Variants in SLC26A3 observed in about 807,000 individuals in gnomAD.
The protein encoded by SLC26A3 is chloride anion exchanger.
In SLC26A3, 64 loss-of-function variants were observed where a neutral mutation model predicts 85.6. The ratio of observed to expected loss-of-function variants is 0.75; its 90% CI spans 0.61 to 0.92. The LOEUF (loss-of-function observed/expected upper bound fraction) is 0.92, where lower values mean the gene tolerates loss of function less well. SLC26A3 is among the 40% of genes least tolerant of loss of function. The pLI, the probability that SLC26A3 is intolerant of heterozygous loss-of-function variation, is 0.00. For missense variants in SLC26A3, 922 were observed against 927.3 expected (o/e 0.99, Z 0.07); for synonymous variants, 349 against 336.0 (o/e 1.04, Z -0.42).
At position 107,765,769 on chromosome 7, in the gene SLC26A3, A is replaced by T; in HGVS notation, c.*86T>A. The T allele has an allele frequency of 1.0e-6, 1 of 984,874 alleles. No individual in the cohort carries two copies. 61.0% of individuals were successfully genotyped at this position (984,874 alleles called of 1,614,324 possible). A position where few individuals can be genotyped will look rare whatever the true frequency, so the allele number is the denominator to read the frequency against. The stretch of plus-strand genomic sequence containing the variant: ...ATTCTGTCAAAAATACTCTTCGTAC[A>T]ATGTATGAACTTATCAATAACTTTC... On this transcript the variant is annotated 3_prime_UTR_variant, in exon 21 of 21. Coordinates refer to ENST00000340010, the MANE Select transcript of SLC26A3 (RefSeq NM_000111.3).
chr7:107,786,992 C>A (rs571282622), intron 7 of SLC26A3, 83 bp from the exon 8 acceptor site: 5 of 1,177,984 alleles, frequency 4.2e-6, no homozygotes, highest in Non-Finnish European at 6.3e-6. Flanking sequence ...TTGCCAAAAC[C>A]CACTTCTGTA....
intron 18 of SLC26A3, among the ~76,000 whole-genome samples, chr7:107,769,897 C>T (rs1028803205): frequency 6.6e-6 from 1 of 152,086 alleles, no homozygotes; most frequent in Non-Finnish European, 1.5e-5. Flanking sequence ...GGTTGACTGC[C>T]TCACTTCGTT....
intron 1 of SLC26A3, among the ~76,000 whole-genome samples, chr7:107,798,630 C>G (rs572831271): frequency 1.3e-5 from 2 of 152,278 alleles, no homozygotes; most frequent in African/African-American, 4.8e-5. Flanking sequence ...AGCAAGGGTG[C>G]AGAACACTTC....
chr7:107,782,499 G>A (rs903960064), intron 11 of SLC26A3, among the ~76,000 whole-genome samples: 63 of 152,290 alleles, frequency 4.1e-4, no homozygotes, highest in African/African-American at 1.4e-3. Context: ...CAGTCCATGC[G>A]TGTTGAAAGT....
intron 15 of SLC26A3, 139 bp downstream of exon 15, chr7:107,776,313 G>C (rs1173249176): frequency 1.3e-6 from 1 of 750,468 alleles, no homozygotes; most frequent in Non-Finnish European, 2.4e-6. Context: ...GTTCTGGGAC[G>C]TGGGACAAAA....
chr7:107,788,792 T>C (rs1454387452), intron 6 of SLC26A3, among the ~76,000 whole-genome samples: 2 of 145,608 alleles, frequency 1.4e-5, no homozygotes, highest in African/African-American at 2.5e-5. Context: ...TTCTTTTTTT[T>C]TTTTTTTTTG....
chr7:107,777,307 A>C (rs1035792647), intron 13 of SLC26A3, among the ~76,000 whole-genome samples: 3 of 152,174 alleles, frequency 2.0e-5, no homozygotes, highest in Admixed American at 6.5e-5. Flanking sequence ...GATTTTAAAA[A>C]ATCAAGGCTG....
chr7:107,783,914 G>A lies in SLC26A3; in HGVS notation c.972-562C>T, dbSNP rs140925161. Reference sequence around the variant, plus strand: ...AATGGAGAGTGGATTTCTCTTTAAGGTGATATATGTCAGAGAAACCTTCAA... The same window carrying A: ...AATGGAGAGTGGATTTCTCTTTAAGATGATATATGTCAGAGAAACCTTCAA... On this transcript the variant is annotated intron_variant, in intron 8 of 20. Coordinates refer to ENST00000340010, the MANE Select transcript of SLC26A3 (RefSeq NM_000111.3). Among the ~76,000 whole-genome samples the A allele has an allele frequency of 5.6e-4, 86 of 152,312 alleles. No homozygotes were observed. The East Asian group carries it at 0.015, about 26-fold the overall frequency.
chr7:107,771,737 G>T (rs1794033983), intron 18 of SLC26A3, among the ~76,000 whole-genome samples: 1 of 152,176 alleles, frequency 6.6e-6, no homozygotes, highest in Non-Finnish European at 1.5e-5. Flanking sequence ...GGGCTGGATT[G>T]TGCAAGGGAA....
Position 107,767,654 on chromosome 7 carries a change from A to G in SLC26A3, c.2206-10T>C. On this transcript the variant is annotated splice_polypyrimidine_tract_variant and intron_variant, in intron 19 of 20. Coordinates refer to ENST00000340010, the MANE Select transcript of SLC26A3 (RefSeq NM_000111.3). Reference sequence around the variant, plus strand: ...TTTTTCCATCTTTTTCCTGAGAAAAAGAGAATGGAAATATGGATTAGGGGC... The same window carrying G: ...TTTTTCCATCTTTTTCCTGAGAAAAGGAGAATGGAAATATGGATTAGGGGC... 1 of 1,609,130 alleles carries G rather than the reference A, an allele frequency of 6.2e-7. No individual in the cohort carries two copies.
Position 107,765,777 on chromosome 7 carries a change from A to G in SLC26A3, c.*78T>C, listed in dbSNP as rs1793903108. ...AAAAATACTCTTCGTACAATGTATG[A>G]ACTTATCAATAACTTTCTGGGTATA... On this transcript the variant is annotated 3_prime_UTR_variant, in exon 21 of 21. Coordinates refer to ENST00000340010, the MANE Select transcript of SLC26A3 (RefSeq NM_000111.3). 1 of 1,048,246 alleles carries G rather than the reference A, an allele frequency of 9.5e-7. No homozygotes were observed. The highest frequency in any genetic ancestry group is 1.6e-5 in the African/African-American group (1 of 64,196). 64.9% of individuals were successfully genotyped at this position (1,048,246 alleles called of 1,614,324 possible).
rs10573821 is a variant in SLC26A3, at chr7:107,790,796, CTGTT to C, written c.570+248_570+251del. On this transcript the variant is annotated intron_variant, in intron 5 of 20. Coordinates refer to ENST00000340010, the MANE Select transcript of SLC26A3 (RefSeq NM_000111.3). ...ATATGTTGAAGCATTTCGCTTGTCACTGTTTGTGCCTCTCCATTCCCCTTCTTCC... is the reference window on the plus strand; with the variant it reads ...ATATGTTGAAGCATTTCGCTTGTCACTGTGCCTCTCCATTCCCCTTCTTCC... Among the ~76,000 whole-genome samples the C allele has an allele frequency of 0.22, 33,524 of 151,896 alleles. 4,131 individuals are homozygous for C. The highest frequency in any genetic ancestry group is 0.37 in the Admixed American group (5,605 of 15,236).
chr7:107,802,603 G>A (rs1347944378), intron 1 of SLC26A3, among the ~76,000 whole-genome samples: 1 of 151,934 alleles, frequency 6.6e-6, no homozygotes, highest in African/African-American at 2.4e-5. Context: ...CTTGGGCTAA[G>A]CTATCCTCCT....
intron 11 of SLC26A3, 45 bp downstream of exon 11, chr7:107,782,752 T>G: frequency 1.9e-6 from 3 of 1,569,738 alleles, no homozygotes; most frequent in East Asian, 4.5e-5. Flanking sequence ...CCGGGGTCCT[T>G]GATTTACCAC....
intron 5 of SLC26A3, 129 bp from the exon 6 acceptor site, chr7:107,789,817 G>T: frequency 1.0e-6 from 1 of 980,144 alleles, no homozygotes; most frequent in Non-Finnish European, 1.5e-6. Context: ...CCTTGAAGAA[G>T]CAAATGTCCC....
At chr7:107,779,596 C>T (rs80191685) in intron 12 of SLC26A3, 72 bp downstream of exon 12, 2 of 1,172,670 alleles carry the variant, frequency 1.7e-6, no homozygotes, top group African/African-American at 1.5e-5. Flanking sequence ...ACAATATAAA[C>T]ATGCATTTCA....
intron 6 of SLC26A3, 120 bp downstream of exon 6, chr7:107,789,404 T>C (rs1794354357): frequency 2.9e-6 from 3 of 1,025,276 alleles, no homozygotes; most frequent in Admixed American, 2.2e-5. Flanking sequence ...TTTTTTAATA[T>C]GAAAAAATTT....
chr7:107,796,808 A>G (rs1794509815), intron 1 of SLC26A3, among the ~76,000 whole-genome samples: 1 of 151,330 alleles, frequency 6.6e-6, no homozygotes. Flanking sequence ...AGCACTGTGC[A>G]TTTGTACTTC....
chr7:107,773,698 A>G (rs1041235988), intron 17 of SLC26A3, among the ~76,000 whole-genome samples: 1 of 151,992 alleles, frequency 6.6e-6, no homozygotes, highest in African/African-American at 2.4e-5. Flanking sequence ...TTACAGGTGC[A>G]CGCCACCACA....
Sources: allele counts gnomAD v4.1 joint callset (sites outside exome capture counted in the v4.1 genomes callset), GRCh38; gene constraint gnomAD v4.1.1; transcripts MANE v1.5; gene names NCBI Gene and HGNC (gene_info 2026-07-23, HGNC 2026-07-21).